Variants in CNTN4 observed in about 807,000 individuals in gnomAD.
CNTN4 encodes contactin-4.
In CNTN4, 77 loss-of-function variants were observed where a neutral mutation model predicts 122.5. That is an observed-to-expected ratio of 0.63 (90% CI 0.52 to 0.76). The LOEUF is 0.76. CNTN4 is among the 30% of genes least tolerant of loss of function. The pLI, the probability that CNTN4 is intolerant of heterozygous loss-of-function variation, is 0.00. For missense variants in CNTN4, 1,256 were observed against 1,259.1 expected (o/e 1.00, Z 0.04); for synonymous variants, 512 against 447.0 (o/e 1.15, Z -1.83).
chr3:2,733,532 G>GTTTT (rs1201306391), intron 4 of CNTN4, among the ~76,000 whole-genome samples: 7,667 of 120,160 alleles, frequency 0.064, 1,023 homozygotes, highest in African/African-American at 0.25. Context: ...GCATGTTTGT[G>GTTTT]TTTTTTTTTT....
chr3:2,869,761 C>G (rs908984471), intron 8 of CNTN4, among the ~76,000 whole-genome samples: 1 of 152,142 alleles, frequency 6.6e-6, no homozygotes, highest in Non-Finnish European at 1.5e-5. Flanking sequence ...GTGCTTGCCA[C>G]ATGGCAAATG....
chr3:2,672,499 A>C (rs1234688584), intron 4 of CNTN4, among the ~76,000 whole-genome samples: 1 of 152,180 alleles, frequency 6.6e-6, no homozygotes, highest in Admixed American at 6.5e-5. Flanking sequence ...CCGATTTTCC[A>C]GGTGCCGTCT....
intron 2 of CNTN4, among the ~76,000 whole-genome samples, chr3:2,338,678 C>G (rs996891850): frequency 6.6e-6 from 1 of 151,964 alleles, no homozygotes; most frequent in Non-Finnish European, 1.5e-5. Context: ...AATTATTTCA[C>G]AATTAAAGTT....
chr3:2,688,577 G>C (rs960347646), intron 4 of CNTN4, among the ~76,000 whole-genome samples: 14 of 152,208 alleles, frequency 9.2e-5, no homozygotes, highest in African/African-American at 3.4e-4. Flanking sequence ...TATTGGACAA[G>C]GCCCGTAACT....
At chr3:2,782,121 G>A (rs2091617154) in intron 6 of CNTN4, among the ~76,000 whole-genome samples, 1 of 151,980 alleles carries the variant, frequency 6.6e-6, no homozygotes, top group Non-Finnish European at 1.5e-5. Context: ...GAAAGAACAG[G>A]CTGTAAAATG....
chr3:2,346,076 T>C (rs1055613072), intron 3 of CNTN4, among the ~76,000 whole-genome samples: 4 of 152,184 alleles, frequency 2.6e-5, no homozygotes, highest in African/African-American at 9.6e-5. Context: ...TTTGCACTTA[T>C]TTTGATTCCT....
chr3:2,201,357 A>G (rs2038088539), intron 2 of CNTN4, among the ~76,000 whole-genome samples: 1 of 152,240 alleles, frequency 6.6e-6, no homozygotes, highest in African/African-American at 2.4e-5. Flanking sequence ...TTTAACCAGC[A>G]GTAAATATTC....
chr3:2,157,798 T>G (rs2035787632), intron 2 of CNTN4, among the ~76,000 whole-genome samples: 1 of 152,248 alleles, frequency 6.6e-6, no homozygotes, highest in Admixed American at 6.5e-5. Flanking sequence ...ATGTTGCTCC[T>G]GACTTCAAAA....
At chr3:2,814,548 T>G (rs930990371) in intron 6 of CNTN4, among the ~76,000 whole-genome samples, 2 of 152,202 alleles carry the variant, frequency 1.3e-5, no homozygotes, top group African/African-American at 4.8e-5. Flanking sequence ...ACCAAAGTAC[T>G]TATACCAACC....
At chr3:2,803,619 G>A (rs938297441) in intron 6 of CNTN4, among the ~76,000 whole-genome samples, 2 of 151,650 alleles carry the variant, frequency 1.3e-5, no homozygotes, top group South Asian at 4.2e-4. Flanking sequence ...GAGTGCAGTG[G>A]CGTGATCTTG....
chr3:2,776,303 A>G (rs1348551655), intron 6 of CNTN4, among the ~76,000 whole-genome samples: 1 of 145,764 alleles, frequency 6.9e-6, no homozygotes, highest in Non-Finnish European at 1.5e-5. Flanking sequence ...TGGAAAGAAT[A>G]TAAGTGTTTC....
At chr3:2,881,831 A>AT (rs577996527) in intron 8 of CNTN4, among the ~76,000 whole-genome samples, 57 of 151,770 alleles carry the variant, frequency 3.8e-4, no homozygotes, top group East Asian at 1.4e-3. Context: ...TCCCCCATCC[A>AT]TTTTTTGTCT....
intron 12 of CNTN4, among the ~76,000 whole-genome samples, chr3:2,905,878 T>C (rs982040562): frequency 6.6e-6 from 1 of 152,234 alleles, no homozygotes; most frequent in East Asian, 1.9e-4. Flanking sequence ...CTCAAAATTA[T>C]AAAATATCTG....
chr3:2,137,880 A>G (rs958895414), intron 2 of CNTN4, among the ~76,000 whole-genome samples: 3 of 152,254 alleles, frequency 2.0e-5, no homozygotes, highest in Middle Eastern at 3.4e-3. Context: ...TGTTGCCACT[A>G]TGTAAACACT....
intron 3 of CNTN4, among the ~76,000 whole-genome samples, chr3:2,543,950 C>A (rs140780615): frequency 8.6e-4 from 131 of 152,244 alleles, no homozygotes; most frequent in African/African-American, 3.1e-3. Flanking sequence ...CGACAAGCCT[C>A]TGTGGTAGAC....
chr3:2,882,850 TCTC>T, intron 8 of CNTN4: 1 of 339,214 alleles, frequency 2.9e-6, no homozygotes, highest in Non-Finnish European at 5.7e-6. Flanking sequence ...TTCATCCCCT[TCTC>T]CTTTTTTTCC....
chr3:2,179,314 G>A (rs189097203), intron 2 of CNTN4, among the ~76,000 whole-genome samples: 1 of 152,016 alleles, frequency 6.6e-6, no homozygotes, highest in East Asian at 1.9e-4. Context: ...GTTGCTTCCT[G>A]GTCTTCTGTT....
intron 4 of CNTN4, among the ~76,000 whole-genome samples, chr3:2,682,021 CTT>C (rs1477052231): frequency 1.3e-5 from 2 of 152,064 alleles, no homozygotes; most frequent in Non-Finnish European, 2.9e-5. Context: ...TGGATATTCA[CTT>C]AATGTTTTTG....
At chr3:2,809,951 C>T (rs376717734) in intron 6 of CNTN4, among the ~76,000 whole-genome samples, 1 of 152,134 alleles carries the variant, frequency 6.6e-6, no homozygotes, top group African/African-American at 2.4e-5. Context: ...CCATCAGGAA[C>T]GCTGTAAGCT....
Sources: allele counts gnomAD v4.1 joint callset (sites outside exome capture counted in the v4.1 genomes callset), GRCh38; gene constraint gnomAD v4.1.1; transcripts MANE v1.5; gene names NCBI Gene and HGNC (gene_info 2026-07-23, HGNC 2026-07-21).